SLC8A1: variants seen among roughly 807,000 people sequenced by gnomAD.
SLC8A1 encodes the protein sodium/calcium exchanger 1.
In SLC8A1, 18 loss-of-function variants were observed where a neutral mutation model predicts 68.3. That is an observed-to-expected ratio of 0.26 (90% CI 0.18 to 0.39). SLC8A1 has a LOEUF of 0.39. Among genes scored for constraint, SLC8A1 ranks in the 10% least tolerant of loss-of-function variants. The probability of loss-of-function intolerance (pLI) is 1.00; values close to 1 mark genes in which losing one functional copy is unlikely to be tolerated. For synonymous variants in SLC8A1, 475 were observed against 415.5 expected (o/e 1.14, Z -1.74); for missense variants, 985 against 1,156.7 (o/e 0.85, Z 2.15).
chr2:40,406,746 C>T (rs958288706), intron 2 of SLC8A1, among the ~76,000 whole-genome samples: 1 of 152,162 alleles, frequency 6.6e-6, no homozygotes, highest in African/African-American at 2.4e-5. Flanking sequence ...TCTAAGCCTA[C>T]AATCTAACCA....
chr2:40,127,271 A>C (rs2148166328), intron 7 of SLC8A1, among the ~76,000 whole-genome samples: 1 of 152,324 alleles, frequency 6.6e-6, no homozygotes, highest in Non-Finnish European at 1.5e-5. Flanking sequence ...TACTTGACAT[A>C]GCAGAAAGTT....
chr2:40,219,166 G>A (rs542545280), intron 2 of SLC8A1, among the ~76,000 whole-genome samples: 10 of 152,300 alleles, frequency 6.6e-5, no homozygotes, highest in East Asian at 1.9e-4. Context: ...ATGCTGGAGC[G>A]GAGTTGGGTC....
intron 2 of SLC8A1, among the ~76,000 whole-genome samples, chr2:40,347,173 C>T (rs1054142521): frequency 6.6e-5 from 10 of 152,166 alleles, no homozygotes; most frequent in African/African-American, 1.2e-4. Flanking sequence ...TGTAGCCTAT[C>T]GCCCAGGCTA....
chr2:40,372,544 C>T (rs1678464331), intron 2 of SLC8A1, among the ~76,000 whole-genome samples: 1 of 152,130 alleles, frequency 6.6e-6, no homozygotes, highest in African/African-American at 2.4e-5. Flanking sequence ...TTGACCGCCC[C>T]ATGAAGGCAA....
chr2:40,453,382 T>A (rs1405442390), upstream of SLC8A1: 1 of 152,168 alleles, frequency 6.6e-6, no homozygotes, highest in African/African-American at 2.4e-5. Context: ...TTAGTTTTTT[T>A]TCGTGGAGAC....
At chr2:40,138,905 C>T (rs1024573827) in intron 7 of SLC8A1, among the ~76,000 whole-genome samples, 1 of 152,110 alleles carries the variant, frequency 6.6e-6, no homozygotes, top group African/African-American at 2.4e-5. Flanking sequence ...TTGATCAATG[C>T]CTACTTTCTC....
intron 2 of SLC8A1, among the ~76,000 whole-genome samples, chr2:40,349,259 G>A (rs773374758): frequency 1.3e-5 from 2 of 152,246 alleles, no homozygotes; most frequent in Non-Finnish European, 2.9e-5. Flanking sequence ...AATCAAATTT[G>A]TAGTCTCATC....
chr2:40,149,081 T>C (rs2042963914), intron 6 of SLC8A1, among the ~76,000 whole-genome samples: 1 of 152,236 alleles, frequency 6.6e-6, no homozygotes, highest in Non-Finnish European at 1.5e-5. Flanking sequence ...CAAGGCCTGG[T>C]GCATATTCTA....
intron 2 of SLC8A1, among the ~76,000 whole-genome samples, chr2:40,384,363 T>A (rs534369319): frequency 2.0e-5 from 3 of 152,242 alleles, no homozygotes; most frequent in Admixed American, 2.0e-4. Context: ...TTGAGCACAG[T>A]CTTTTGTAGA....
At chr2:40,454,641 G>T (rs1702895982), upstream of SLC8A1, among the ~76,000 whole-genome samples, 1 of 152,194 alleles carries the variant, frequency 6.6e-6, no homozygotes, top group South Asian at 2.1e-4. Flanking sequence ...AACTATTGGA[G>T]AGGCAGCCTA....
At chr2:40,184,187 T>C (rs977078767) in intron 2 of SLC8A1, among the ~76,000 whole-genome samples, 6 of 152,050 alleles carry the variant, frequency 3.9e-5, no homozygotes, top group East Asian at 3.9e-4. Flanking sequence ...AATCAATCAA[T>C]CAACCAATAA....
chr2:40,115,172 T>C (rs2035087861), exon 8 of SLC8A1: 1 of 1,027,658 alleles, frequency 9.7e-7, no homozygotes, highest in South Asian at 3.6e-5. Context: ...ACATGACAAA[T>C]GTCAGTTTCC....
intron 1 of SLC8A1, among the ~76,000 whole-genome samples, chr2:40,450,292 T>C (rs1349712735): frequency 6.6e-6 from 1 of 152,158 alleles, no homozygotes. Flanking sequence ...AGATTCATTT[T>C]CCTTTTTTTT....
At chr2:40,161,554 A>C (rs2045690851) in intron 5 of SLC8A1, among the ~76,000 whole-genome samples, 1 of 152,190 alleles carries the variant, frequency 6.6e-6, no homozygotes, top group African/African-American at 2.4e-5. Context: ...ACTGTGCTGC[A>C]TACCCCTTAT....
rs530275254 is a variant in SLC8A1, at chr2:40,123,807, T to C, written c.2438-8178A>G. ...GGGCAAATTTGAAGCTAAAAACAAATAGCTGAATTAATTGTCATTTTCCCA... is the reference window on the plus strand; with the variant it reads ...GGGCAAATTTGAAGCTAAAAACAAACAGCTGAATTAATTGTCATTTTCCCA... On this transcript the variant is annotated intron_variant, in intron 7 of 7. Coordinates refer to ENST00000406785, the Ensembl canonical transcript of SLC8A1. Among the ~76,000 whole-genome samples the C allele has an allele frequency of 3.0e-4, 45 of 152,324 alleles. 1 individual carries two copies. Among genetic ancestry groups the C allele is most frequent in the African/African-American group, 1.1e-3 (44 of 41,582 alleles).
chr2:40,440,651 A>G (rs1700295266), intron 1 of SLC8A1, among the ~76,000 whole-genome samples: 1 of 152,218 alleles, frequency 6.6e-6, no homozygotes, highest in African/African-American at 2.4e-5. Context: ...AATTATGTCC[A>G]TCACATAAAC....
chr2:40,223,956 G>A (rs1382762342), intron 2 of SLC8A1, among the ~76,000 whole-genome samples: 1 of 152,036 alleles, frequency 6.6e-6, no homozygotes, highest in Non-Finnish European at 1.5e-5. Flanking sequence ...CAAAGCAGGA[G>A]GAGCCTCCAA....
At chr2:40,496,326 A>G (rs895509986) in intron 1 of SLC8A1, among the ~76,000 whole-genome samples, 2 of 152,140 alleles carry the variant, frequency 1.3e-5, no homozygotes, top group African/African-American at 4.8e-5. Flanking sequence ...AGGTTATCTG[A>G]TTAAAATTCA....
intron 1 of SLC8A1, among the ~76,000 whole-genome samples, chr2:40,468,390 CAATT>C: frequency 6.6e-6 from 1 of 152,206 alleles, no homozygotes; most frequent in East Asian, 1.9e-4. Context: ...TTCTAATTGA[CAATT>C]ACTTAGTTTA....
Sources: allele counts gnomAD v4.1 joint callset (sites outside exome capture counted in the v4.1 genomes callset), GRCh38; gene constraint gnomAD v4.1.1; transcripts MANE v1.5; gene names NCBI Gene and HGNC (gene_info 2026-07-23, HGNC 2026-07-21).